Variants in CRYL1 observed in about 807,000 individuals in gnomAD.
The protein encoded by CRYL1 is lambda-crystallin homolog.
CRYL1 carries 29 observed loss-of-function variants against 36.6 expected under a neutral mutation model. That is an observed-to-expected ratio of 0.79 (90% CI 0.59 to 1.08). The LOEUF (loss-of-function observed/expected upper bound fraction) is 1.08. Ranked by LOEUF, CRYL1 falls within the 50% of genes least tolerant of loss-of-function variation. The pLI is 0.00. For synonymous variants in CRYL1, 152 were observed against 151.5 expected, an observed-to-expected ratio of 1.00 and a Z score of -0.02; for missense variants, 411 against 407.9, an observed-to-expected ratio of 1.01 and a Z score of -0.06.
intron 2 of CRYL1, among the ~76,000 whole-genome samples, chr13:20,495,169 C>T (rs559851670): frequency 2.0e-5 from 3 of 152,270 alleles, no homozygotes; most frequent in South Asian, 2.1e-4. Flanking sequence ...TTGTAGAAGA[C>T]GTACATAAAC....
At chr13:20,452,242 T>TAAAA (rs34122237) in intron 3 of CRYL1, among the ~76,000 whole-genome samples, 5 of 134,644 alleles carry the variant, frequency 3.7e-5, no homozygotes, top group African/African-American at 1.4e-4. Flanking sequence ...CAGACCGAAT[T>TAAAA]AAAAAAAAAA....
chr13:20,462,225 T>G (rs1456650625), intron 3 of CRYL1, among the ~76,000 whole-genome samples: 1 of 148,842 alleles, frequency 6.7e-6, no homozygotes, highest in African/African-American at 2.5e-5. Context: ...GAGGAGGGCC[T>G]GGTGGGAGAA....
intron 3 of CRYL1, among the ~76,000 whole-genome samples, chr13:20,477,261 A>T (rs1017439290): frequency 4.6e-5 from 7 of 152,146 alleles, no homozygotes; most frequent in Non-Finnish European, 7.4e-5. Flanking sequence ...CCAGGAGTTC[A>T]AGACGTCAGT....
At chr13:20,476,090 G>A (rs1241195540) in intron 3 of CRYL1, among the ~76,000 whole-genome samples, 3 of 152,170 alleles carry the variant, frequency 2.0e-5, no homozygotes, top group African/African-American at 7.2e-5. Flanking sequence ...CACAGTAGCA[G>A]CCTCCTCTGC....
At chr13:20,432,705 T>C (rs2032098495) in intron 4 of CRYL1, among the ~76,000 whole-genome samples, 1 of 152,078 alleles carries the variant, frequency 6.6e-6, no homozygotes, top group Non-Finnish European at 1.5e-5. Flanking sequence ...GCTCTGACAT[T>C]CTTCTGTGTC....
chr13:20,480,026 C>T (rs536124883), intron 3 of CRYL1, among the ~76,000 whole-genome samples: 53 of 152,256 alleles, frequency 3.5e-4, no homozygotes, highest in African/African-American at 1.2e-3. Flanking sequence ...AAGTCAAAAT[C>T]GCAACACAGC....
chr13:20,480,124 T>C (rs1267713898), intron 3 of CRYL1, among the ~76,000 whole-genome samples: 1 of 152,180 alleles, frequency 6.6e-6, no homozygotes, highest in Non-Finnish European at 1.5e-5. Context: ...TGGTGGCTCA[T>C]GTCTATAATC....
chr13:20,446,982 A>G lies in CRYL1; in HGVS notation c.277-7228T>C, dbSNP rs551827457. Among the ~76,000 whole-genome samples the G allele has an allele frequency of 2.6e-5, 4 of 152,340 alleles. No homozygotes were observed. The South Asian group carries it at 6.2e-4, about 24-fold the overall frequency. ...TTTTTGTTAGCAATTATTTAAGTTT[A>G]TACATATGCCAGAAAGATTTAACCA... is the stretch of plus-strand genomic sequence containing the variant. On this transcript the variant is annotated intron_variant, in intron 3 of 7. Transcript: ENST00000298248.
chr13:20,478,792 T>C (rs558964240), intron 3 of CRYL1, among the ~76,000 whole-genome samples: 23 of 152,016 alleles, frequency 1.5e-4, no homozygotes, highest in Non-Finnish European at 2.5e-4. Flanking sequence ...CTCGCTCTGT[T>C]GCCAGGCTGG....
intron 3 of CRYL1, among the ~76,000 whole-genome samples, chr13:20,469,075 G>T (rs2137442814): frequency 6.6e-6 from 1 of 152,320 alleles, no homozygotes; most frequent in Non-Finnish European, 1.5e-5. Context: ...AGTTTCTCAG[G>T]AAGTGTTAAG....
chr13:20,444,218 C>T (rs77249624), intron 3 of CRYL1, among the ~76,000 whole-genome samples: 423 of 152,278 alleles, frequency 2.8e-3, no homozygotes, highest in Non-Finnish European at 4.3e-3. Context: ...AGGCAACTAA[C>T]TGCACTATGC....
intron 3 of CRYL1, among the ~76,000 whole-genome samples, chr13:20,476,324 C>T (rs2033166594): frequency 6.9e-6 from 1 of 144,258 alleles, no homozygotes; most frequent in South Asian, 2.2e-4. Context: ...CACTGCACTA[C>T]AGCCTGGGTG....
intron 2 of CRYL1, among the ~76,000 whole-genome samples, chr13:20,504,908 G>A (rs1023254141): frequency 3.3e-5 from 5 of 151,986 alleles, no homozygotes; most frequent in Non-Finnish European, 5.9e-5. Context: ...ACTTCCCCCC[G>A]TTTAAGTTCA....
chr13:20,428,672 T>C (rs992865815), intron 5 of CRYL1, among the ~76,000 whole-genome samples: 1 of 152,174 alleles, frequency 6.6e-6, no homozygotes, highest in Non-Finnish European at 1.5e-5. Context: ...CAAGCCGTCC[T>C]TCCATCCTGC....
intron 6 of CRYL1, chr13:20,405,933 C>CCGGGAGG (rs2031362703): frequency 1.3e-5 from 2 of 152,334 alleles, no homozygotes; most frequent in Admixed American, 1.3e-4. Context: ...CTCCCTGCTG[C>CCGGGAGG]CGGGAGGCGA....
intron 2 of CRYL1, among the ~76,000 whole-genome samples, chr13:20,508,871 A>AAAAAAAAAAAC (rs1565988302): frequency 7.0e-5 from 1 of 14,194 alleles, no homozygotes; most frequent in African/African-American, 1.2e-4. Flanking sequence ...AAAAAAAAAA[A>AAAAAAAAAAAC]AAAACAAAAA....
intron 5 of CRYL1, chr13:20,427,319 A>G: frequency 1.0e-6 from 1 of 985,410 alleles, no homozygotes; most frequent in Non-Finnish European, 1.2e-6. Context: ...GAAGAGAAAC[A>G]AAACGGAGTG....
At chr13:20,471,918 T>C (rs1242040221) in intron 3 of CRYL1, among the ~76,000 whole-genome samples, 2 of 152,082 alleles carry the variant, frequency 1.3e-5, no homozygotes, top group African/African-American at 4.8e-5. Context: ...TGGAATGCAG[T>C]GGCATGATCT....
chr13:20,510,880 G>T (rs2033902805), intron 2 of CRYL1, among the ~76,000 whole-genome samples: 1 of 151,816 alleles, frequency 6.6e-6, no homozygotes. Flanking sequence ...ATTTAATACA[G>T]TAAGATTACT....
Sources: allele counts gnomAD v4.1 joint callset (sites outside exome capture counted in the v4.1 genomes callset), GRCh38; gene constraint gnomAD v4.1.1; transcripts MANE v1.5; gene names NCBI Gene and HGNC (gene_info 2026-07-23, HGNC 2026-07-21).